The following EREG variants were observed in gnomAD, a reference collection of about 807,000 sequenced individuals.
EREG encodes the protein epiregulin.
In EREG, 23 loss-of-function variants were observed where a neutral mutation model predicts 22.4. The observed-to-expected ratio is 1.03, with a 90% CI of 0.74 to 1.46. The LOEUF (loss-of-function observed/expected upper bound fraction) is 1.46. EREG is among the 40% of genes most tolerant of loss of function. EREG has a pLI of 0.00. For missense variants in EREG, 226 were observed against 205.9 expected (o/e 1.10, Z -0.60); for synonymous variants, 100 against 75.4 (o/e 1.33, Z -1.69).
Position 74,385,731 on chromosome 4 carries a change from T to A in EREG, c.*923T>A, listed in dbSNP as rs1040088428. ...TAACATTAAATCACAGCCCAAAATT[T>A]GATGGACTAATTATTATTTTAAAAT... is the stretch of plus-strand genomic sequence containing the variant. On this transcript the variant is annotated 3_prime_UTR_variant, in exon 5 of 5. Coordinates refer to ENST00000244869, the MANE Select transcript of EREG (RefSeq NM_001432.3). 4 of 377,812 alleles carry A rather than the reference T, an allele frequency of 1.1e-5. No individual in the cohort carries two copies. Among genetic ancestry groups the A allele is most frequent in the African/African-American group, 2.1e-5 (1 of 48,212 alleles). The allele number at this position is 377,812 out of a possible 1,614,324, so 23.4% of individuals were successfully genotyped here. A position where few individuals can be genotyped will look rare whatever the true frequency, so the allele number is the denominator to read the frequency against.
chr4:74,382,675 T>C lies in EREG; in HGVS notation c.309T>C (p.Cys103=), dbSNP rs1402486808. 1 of 1,612,690 alleles carries C rather than the reference T, an allele frequency of 6.2e-7. No individual in the cohort carries two copies. The highest frequency in any genetic ancestry group is 1.1e-5 in the South Asian group (1 of 90,920). The change falls in exon 4 of 5, where the codon TGT becomes TGC. Residue 103 remains cysteine (C), a synonymous_variant. Coordinates refer to ENST00000244869, the MANE Select transcript of EREG (RefSeq NM_001432.3). ...RCEVGYTGVR[C]EHFFLTVHQP... ...AAGTGGGTTATACTGGTGTCCGATG[T>C]GAACACTTCTTTTTAACCGTCCACC...
chr4:74,370,653 C>G (rs916086714), intron 1 of EREG, among the ~76,000 whole-genome samples: 1 of 151,308 alleles, frequency 6.6e-6, no homozygotes, highest in Non-Finnish European at 1.5e-5. Context: ...GAGAGAGAGA[C>G]AGAAAGAGAG....
intron 1 of EREG, among the ~76,000 whole-genome samples, chr4:74,379,139 A>T (rs777727771): frequency 2.0e-5 from 3 of 152,214 alleles, no homozygotes; most frequent in Non-Finnish European, 4.4e-5. Flanking sequence ...AAATTCTCCA[A>T]CTGATGTGCG....
chr4:74,365,263 T>C lies in EREG; in HGVS notation c.-46T>C. ...CTGCTCCCGCCCTGCCCGTGCACTC[T>C]CCGCAGCCGCCCTCCGCCAAGCCCC... is the stretch of plus-strand genomic sequence containing the variant. On this transcript the variant is annotated 5_prime_UTR_variant, in exon 1 of 5. Transcript: ENST00000244869. 1.3e-6 allele frequency: 2 copies of C among 1,529,346 alleles called. No homozygotes were observed. Among genetic ancestry groups the C allele is most frequent in the Non-Finnish European group, 8.9e-7 (1 of 1,119,258 alleles). The allele number at this position is 1,529,346 out of a possible 1,614,324, so 94.7% of individuals were successfully genotyped here. A position where few individuals can be genotyped will look rare whatever the true frequency, so the allele number is the denominator to read the frequency against.
chr4:74,382,596 A>T, intron 3 of EREG, 49 bp from the exon 4 acceptor site: 1 of 1,476,758 alleles, frequency 6.8e-7, no homozygotes, highest in Non-Finnish European at 9.2e-7. Flanking sequence ...CATAACCATG[A>T]TTTCCTTTTT....
rs1491399336 is a variant in EREG at position 74,381,985 on chromosome 4, A to AAAAC, written c.279-657_279-656insCAAA. ...GGGCAACACAGCGAGACTCCGTCTC[A>AAAAC]AAAAAAAAAAAAAAAAAAAAAAAAA... On this transcript the variant is annotated intron_variant, in intron 3 of 4. Transcript: ENST00000244869. 7.8e-5 allele frequency: 3 copies of AAAAC among 38,686 alleles called. 1 individual carries two copies. Among genetic ancestry groups the AAAAC allele is most frequent in the Non-Finnish European group, 5.0e-5 (1 of 19,842 alleles). 2.4% of individuals were successfully genotyped at this position (38,686 alleles called of 1,614,324 possible).
chr4:74,367,388 T>C (rs1036655361), intron 1 of EREG, among the ~76,000 whole-genome samples: 6 of 152,246 alleles, frequency 3.9e-5, no homozygotes, highest in Admixed American at 1.3e-4. Flanking sequence ...GATAACATTT[T>C]TTTAAATAAT....
Position 74,379,458 on chromosome 4 carries a change from T to G in EREG, c.78T>G (p.Leu26=). 1.9e-6 allele frequency: 3 copies of G among 1,603,916 alleles called. No homozygotes were observed. Among genetic ancestry groups the G allele is most frequent in the Non-Finnish European group, 2.6e-6 (3 of 1,170,828 alleles). Residue 26 remains leucine, a synonymous_variant, in exon 2 of 5, where the codon CTT becomes CTG. Coordinates refer to ENST00000244869, the MANE Select transcript of EREG (RefSeq NM_001432.3). ...TTTCTTCATAAATAGGTTTCCATCT[T>G]CTACAGGCAGTCCTCAGTACAACTG... The part of the protein sequence containing the change: ...PALLLCLGFH[L]LQAVLSTTVI...
Position 74,381,141 on chromosome 4 carries a change from A to C in EREG, c.278+4A>C. ...ACATGAGTCAAAACTACTGCAGGTA[A>C]TATGTCAGAAATAAACAAACACAGT... On this transcript the variant is annotated splice_donor_region_variant and intron_variant, in intron 3 of 4. Transcript: ENST00000244869. 1 of 1,608,758 alleles carries C rather than the reference A, an allele frequency of 6.2e-7. No individual in the cohort carries two copies. The highest frequency in any genetic ancestry group is 8.5e-7 in the Non-Finnish European group (1 of 1,178,386).
At chr4:74,382,361 G>C in intron 3 of EREG, 1 of 273,838 alleles carries the variant, frequency 3.7e-6, no homozygotes. Context: ...TTAGACAAAA[G>C]GAATCTCAAA....
rs1578824854 is a variant in EREG, at chr4:74,386,100, C to T, written c.*1292C>T. 1 of 315,034 alleles carries T rather than the reference C, an allele frequency of 3.2e-6. No individual in the cohort carries two copies. Among genetic ancestry groups the T allele is most frequent in the African/African-American group, 2.1e-5 (1 of 47,132 alleles). The allele number at this position is 315,034 out of a possible 1,614,324, so 19.5% of individuals were successfully genotyped here. On this transcript the variant is annotated 3_prime_UTR_variant, in exon 5 of 5. Coordinates refer to ENST00000244869, the MANE Select transcript of EREG (RefSeq NM_001432.3). Reference sequence around the variant, plus strand: ...TCTTCTGCACTCTGAGCCCATAGGTCTCAGAGAGTTAATAGGAGTATTTTT... The same window carrying T: ...TCTTCTGCACTCTGAGCCCATAGGTTTCAGAGAGTTAATAGGAGTATTTTT...
At chr4:74,366,822 T>C (rs996429327) in intron 1 of EREG, among the ~76,000 whole-genome samples, 5 of 152,172 alleles carry the variant, frequency 3.3e-5, no homozygotes. Context: ...TTATAGTTCA[T>C]CTATTTCGTC....
rs759080318 is a variant in EREG, at chr4:74,365,361, T to C, written c.53T>C (p.Leu18Pro). Residue 18 changes from leucine (L) to proline (P), a missense_variant, in exon 1 of 5, where the codon CTG (leucine) becomes CCG (proline). Physicochemically the swap from Leu to Pro is moderately conservative, Grantham distance 98 (BLOSUM62 -3). Transcript: ENST00000244869. ...EMLCAGRVPA[L>P]LLCLGFHLLQ... ...CTCTGTGCCGGCAGGGTCCCTGCGC[T>C]GCTGCTCTGCCTGGGTAAGTTCTCC... The C allele has an allele frequency of 6.2e-7, 1 of 1,611,466 alleles. No individual in the cohort carries two copies. Among genetic ancestry groups the C allele is most frequent in the South Asian group, 1.1e-5 (1 of 91,080 alleles).
At chr4:74,382,616 ATCTT>A (rs752380556) in intron 3 of EREG, 25 bp from the exon 4 acceptor site, 28 of 1,543,946 alleles carry the variant, frequency 1.8e-5, no homozygotes, top group African/African-American at 6.9e-5. Flanking sequence ...TAAGTAACTG[ATCTT>A]TCTTTCTTCC....
At chr4:74,373,736 G>T (rs1449462053) in intron 1 of EREG, among the ~76,000 whole-genome samples, 1 of 148,362 alleles carries the variant, frequency 6.7e-6, no homozygotes. Context: ...ATATACGTGT[G>T]CGTATATATA....
intron 1 of EREG, among the ~76,000 whole-genome samples, chr4:74,374,493 C>T (rs745724041): frequency 1.3e-5 from 2 of 152,278 alleles, no homozygotes; most frequent in Non-Finnish European, 2.9e-5. Context: ...GCAGTGATTG[C>T]ACCACTGCAC....
chr4:74,385,971 C>T lies in EREG; in HGVS notation c.*1163C>T. ...CCAAATGAAAAATCTCAATTGAAAG[C>T]TTTTAAAATGTAGAAACTTAAACAC... On this transcript the variant is annotated 3_prime_UTR_variant, in exon 5 of 5. Transcript: ENST00000244869. The T allele has an allele frequency of 2.6e-6, 1 of 384,802 alleles. No individual in the cohort carries two copies. Among genetic ancestry groups the T allele is most frequent in the Non-Finnish European group, 4.6e-6 (1 of 217,108 alleles). The allele number at this position is 384,802 out of a possible 1,614,324, so 23.8% of individuals were successfully genotyped here.
intron 1 of EREG, among the ~76,000 whole-genome samples, chr4:74,365,964 G>A (rs1222541041): frequency 6.6e-6 from 1 of 152,150 alleles, no homozygotes. Flanking sequence ...CCCTGGGCAG[G>A]TCCTGGCGCT....
At chr4:74,373,782 A>G (rs1454769038) in intron 1 of EREG, among the ~76,000 whole-genome samples, 1 of 151,594 alleles carries the variant, frequency 6.6e-6, no homozygotes, top group Admixed American at 6.6e-5. Flanking sequence ...ACATATATAT[A>G]CTCTCTGAAA....
Sources: allele counts gnomAD v4.1 joint callset (sites outside exome capture counted in the v4.1 genomes callset), GRCh38; gene constraint gnomAD v4.1.1; transcripts MANE v1.5; gene names NCBI Gene and HGNC (gene_info 2026-07-23, HGNC 2026-07-21).